Variants in EFCAB5 observed in about 807,000 individuals in gnomAD.
The protein encoded by EFCAB5 is EF-hand calcium binding domain 5.
In EFCAB5, 131 loss-of-function variants were observed where a neutral mutation model predicts 167.9. The ratio of observed to expected loss-of-function variants is 0.78; its 90% CI spans 0.68 to 0.90. EFCAB5 has a LOEUF of 0.90. Ranked by LOEUF, EFCAB5 falls within the 40% of genes least tolerant of loss-of-function variation. The pLI is 0.00. For missense variants in EFCAB5, 1,663 were observed against 1,745.2 expected (o/e 0.95, Z 0.84); for synonymous variants, 574 against 602.8 (o/e 0.95, Z 0.70).
intron 8 of EFCAB5, among the ~76,000 whole-genome samples, chr17:30,048,779 C>T (rs138557513): frequency 7.9e-5 from 12 of 152,228 alleles, no homozygotes; most frequent in East Asian, 5.8e-4. Context: ...TGAGCTGCTG[C>T]GCCCAGCCTA....
intron 19 of EFCAB5, among the ~76,000 whole-genome samples, chr17:30,087,615 A>G (rs773695065): frequency 6.6e-6 from 1 of 152,190 alleles, no homozygotes; most frequent in Non-Finnish European, 1.5e-5. Context: ...TGCAAAGGAC[A>G]TGATCTCATT....
At chr17:29,974,541 CAA>C (rs752234036) in intron 4 of EFCAB5, among the ~76,000 whole-genome samples, 12 of 94,924 alleles carry the variant, frequency 1.3e-4, no homozygotes, top group Admixed American at 1.1e-4. Flanking sequence ...GACCCTGTCT[CAA>C]AAAAAAAAAA....
chr17:30,085,728 A>G (rs77980981), intron 18 of EFCAB5, among the ~76,000 whole-genome samples: 1 of 96,822 alleles, frequency 1.0e-5, no homozygotes, highest in African/African-American at 3.4e-5. Context: ...TCAAAAAAAA[A>G]AAAAAAAAAA....
intron 20 of EFCAB5, among the ~76,000 whole-genome samples, chr17:30,091,260 C>T (rs1332693908): frequency 2.6e-5 from 4 of 152,166 alleles, no homozygotes; most frequent in Non-Finnish European, 5.9e-5. Flanking sequence ...TGTGATTCCA[C>T]ATCCACTAGG....
chr17:30,051,536 A>C (rs1163445341), intron 9 of EFCAB5, among the ~76,000 whole-genome samples: 1 of 152,242 alleles, frequency 6.6e-6, no homozygotes, highest in Non-Finnish European at 1.5e-5. Flanking sequence ...TTGGAAATTA[A>C]GTTAGTAATG....
intron 7 of EFCAB5, among the ~76,000 whole-genome samples, chr17:30,005,445 C>T (rs1436031671): frequency 6.6e-6 from 1 of 152,072 alleles, no homozygotes; most frequent in East Asian, 1.9e-4. Context: ...TTTCTTCTTA[C>T]GTAAATTATG....
intron 22 of EFCAB5, among the ~76,000 whole-genome samples, chr17:30,096,682 T>A (rs867272137): frequency 0.17 from 16,841 of 97,454 alleles, 798 homozygotes; most frequent in East Asian, 0.34. Flanking sequence ...TATATATTTT[T>A]TTTTTTTTTT....
chr17:30,092,325 A>G (rs1476693967), intron 21 of EFCAB5, among the ~76,000 whole-genome samples, 168 bp downstream of exon 21: 1 of 152,170 alleles, frequency 6.6e-6, no homozygotes, highest in Non-Finnish European at 1.5e-5. Flanking sequence ...CATTTATGGA[A>G]TCCCAAAAGC....
rs1417925534 is a variant in EFCAB5, at chr17:30,053,573, T to G, written c.1619T>G (p.Ile540Arg). ...CCAACTGCAGAGCAAGAACTGTACA[T>G]AGAATCAGTAATAGAACCAGGAACA... The part of the protein sequence containing the change: ...KKPTAEQELY[I>R]ESVIEPGTHT... The change falls in exon 10 of 23, where the codon ATA becomes AGA. Residue 540 changes from isoleucine (I) to arginine (R), a missense_variant. Coordinates refer to ENST00000394835, the MANE Select transcript of EFCAB5 (RefSeq NM_198529.4). 1.9e-6 allele frequency: 3 copies of G among 1,613,636 alleles called. No individual in the cohort carries two copies. The highest frequency in any genetic ancestry group is 2.5e-6 in the Non-Finnish European group (3 of 1,179,840).
chr17:30,076,554 T>C (rs2070872199), intron 14 of EFCAB5, among the ~76,000 whole-genome samples: 2 of 152,242 alleles, frequency 1.3e-5, no homozygotes, highest in Admixed American at 1.3e-4. Context: ...GAGTGCCAGG[T>C]AGTATTTGTT....
intron 7 of EFCAB5, among the ~76,000 whole-genome samples, chr17:30,004,520 T>A (rs1209541990): frequency 6.6e-6 from 1 of 152,202 alleles, no homozygotes; most frequent in Non-Finnish European, 1.5e-5. Context: ...CATTTTGATT[T>A]TTAGTCTGGT....
intron 14 of EFCAB5, chr17:30,074,157 G>A (rs1187560507): frequency 6.6e-6 from 1 of 152,272 alleles, no homozygotes; most frequent in Non-Finnish European, 1.5e-5. Context: ...GGGAGACAGA[G>A]TCTCACTCTG....
intron 7 of EFCAB5, among the ~76,000 whole-genome samples, chr17:30,032,672 C>T (rs1307867156): frequency 1.3e-5 from 2 of 152,192 alleles, no homozygotes; most frequent in Non-Finnish European, 2.9e-5. Flanking sequence ...AATTGCCTCT[C>T]TTTGTTCAAC....
At chr17:30,069,587 G>A (rs550694983) in intron 14 of EFCAB5, 11 of 1,613,234 alleles carry the variant, frequency 6.8e-6, no homozygotes, top group Non-Finnish European at 9.3e-6. Flanking sequence ...CTTCTTCCTC[G>A]TGATGTGCTC....
intron 15 of EFCAB5, among the ~76,000 whole-genome samples, chr17:30,079,430 C>T (rs2070938152): frequency 6.6e-6 from 1 of 152,118 alleles, no homozygotes; most frequent in Non-Finnish European, 1.5e-5. Context: ...GAAAGTGTCT[C>T]ACATGTCCCC....
At chr17:29,932,456 T>G (rs1427068109) in intron 1 of EFCAB5, among the ~76,000 whole-genome samples, 6 of 140,242 alleles carry the variant, frequency 4.3e-5, no homozygotes, top group African/African-American at 1.6e-4. Context: ...CGGCTTTTTT[T>G]TTTTTTTTTT....
intron 7 of EFCAB5, among the ~76,000 whole-genome samples, chr17:30,028,896 T>G (rs1555561945): frequency 6.6e-6 from 1 of 152,176 alleles, no homozygotes; most frequent in Non-Finnish European, 1.5e-5. Flanking sequence ...CTAGTCAGAT[T>G]AGAGCCCACC....
chr17:30,068,095 G>A (rs1254909862), intron 14 of EFCAB5, among the ~76,000 whole-genome samples: 1 of 152,208 alleles, frequency 6.6e-6, no homozygotes, highest in Non-Finnish European at 1.5e-5. Flanking sequence ...CACCAGTTCA[G>A]GAGATCAAGA....
chr17:30,073,711 A>C, intron 14 of EFCAB5: 1 of 714,364 alleles, frequency 1.4e-6, no homozygotes, highest in Non-Finnish European at 2.6e-6. Context: ...AAAAATTTTA[A>C]GTGTATATTT....
Sources: allele counts gnomAD v4.1 joint callset (sites outside exome capture counted in the v4.1 genomes callset), GRCh38; gene constraint gnomAD v4.1.1; transcripts MANE v1.5; gene names NCBI Gene and HGNC (gene_info 2026-07-23, HGNC 2026-07-21).